Variants in GABRB1 observed in about 807,000 individuals in gnomAD.
GABRB1 encodes the protein gamma-aminobutyric acid type A receptor subunit beta1, also known as gamma-aminobutyric acid receptor subunit beta-1.
Under a neutral mutation model 51.6 loss-of-function variants are expected in GABRB1, and 17 were observed. The ratio of observed to expected loss-of-function variants is 0.33; its 90% CI spans 0.23 to 0.49. GABRB1 has a LOEUF of 0.49. Ranked by LOEUF, GABRB1 falls within the 20% of genes least tolerant of loss-of-function variation. GABRB1 has a pLI of 0.99. For missense variants in GABRB1, 410 were observed against 600.6 expected (o/e 0.68, Z 3.32); for synonymous variants, 247 against 218.9 (o/e 1.13, Z -1.14).
chr4:47,350,200 TATATATATATATATATATAGAGAG>T (rs1345828942), intron 5 of GABRB1, among the ~76,000 whole-genome samples: 2 of 87,736 alleles, frequency 2.3e-5, no homozygotes, highest in Non-Finnish European at 4.4e-5. Context: ...TATATATATA[TATATATATATATATATATAGAGAG>T]AGAGAGAGAG....
chr4:47,158,939 A>G (rs1172754968), intron 3 of GABRB1, among the ~76,000 whole-genome samples: 2 of 151,972 alleles, frequency 1.3e-5, no homozygotes, highest in African/African-American at 2.4e-5. Flanking sequence ...AATTTTCTCA[A>G]TTGATGCTCA....
intron 5 of GABRB1, among the ~76,000 whole-genome samples, chr4:47,327,039 T>C (rs1185518881): frequency 1.3e-5 from 2 of 152,344 alleles, no homozygotes; most frequent in East Asian, 3.9e-4. Context: ...GCTTCAAACT[T>C]TTCAAGTCAT....
Position 47,065,541 on chromosome 4 carries a change from C to G in GABRB1, c.240+33057C>G, listed in dbSNP as rs1471035300. Among the ~76,000 whole-genome samples the G allele has an allele frequency of 2.0e-5, 3 of 152,208 alleles. No individual in the cohort carries two copies. In the East Asian group the frequency reaches 5.8e-4, roughly 29 times the overall value. Reference sequence around the variant, plus strand: ...CTTTAAGCCAAGAGAAAAATAAACCCTTTAGATACTTCAGAATTGAATTCC... The same window carrying G: ...CTTTAAGCCAAGAGAAAAATAAACCGTTTAGATACTTCAGAATTGAATTCC... On this transcript the variant is annotated intron_variant, in intron 3 of 8. Transcript: ENST00000295454.
intron 5 of GABRB1, among the ~76,000 whole-genome samples, chr4:47,354,989 T>TGTTTTTTTG (rs1372730294): frequency 2.3e-5 from 3 of 130,316 alleles, no homozygotes; most frequent in Admixed American, 7.6e-5. Flanking sequence ...TGTTTTTTTT[T>TGTTTTTTTG]TTTTTTTTTT....
At chr4:47,250,770 A>G (rs538281926) in intron 4 of GABRB1, among the ~76,000 whole-genome samples, 27 of 152,072 alleles carry the variant, frequency 1.8e-4, no homozygotes, top group Non-Finnish European at 2.5e-4. Context: ...AGCATTTTGC[A>G]TTTCTGTGTG....
rs930111366 is a variant in GABRB1 at position 47,377,126 on chromosome 4, T to G, written c.545-26192T>G. 2.0e-5 allele frequency among the ~76,000 whole-genome samples: 3 copies of G among 152,210 alleles called. No individual in the cohort carries two copies. The South Asian group carries it at 6.2e-4, about 32-fold the overall frequency. ...TTGAACATAGTAGATACGCAGTGAA[T>G]GTGTTTGGAGTTGTGCGTTTTTTTG... On this transcript the variant is annotated intron_variant, in intron 5 of 8. Transcript: ENST00000295454.
chr4:47,136,779 G>T (rs1217868842), intron 3 of GABRB1, among the ~76,000 whole-genome samples: 1 of 151,986 alleles, frequency 6.6e-6, no homozygotes, highest in East Asian at 1.9e-4. Flanking sequence ...ATCCATATAT[G>T]CATACTTTAT....
At chr4:47,365,439 GA>G (rs1174359469) in intron 5 of GABRB1, among the ~76,000 whole-genome samples, 1 of 152,052 alleles carries the variant, frequency 6.6e-6, no homozygotes, top group Non-Finnish European at 1.5e-5. Flanking sequence ...CATTTTACAA[GA>G]AGGCCCATTG....
chr4:47,032,643 C>A (rs1725375890), intron 3 of GABRB1, 159 bp downstream of exon 3: 1 of 747,244 alleles, frequency 1.3e-6, no homozygotes, highest in Non-Finnish European at 2.4e-6. Context: ...CCCGGTCGCC[C>A]CTGGTTTGTA....
In GABRB1 at chr4:47,350,200, TATATATATATATATATATAG is replaced by T. The variant is rs1274355364; in HGVS notation, c.544+29993_544+30012del. Among the ~76,000 whole-genome samples, 385 of 87,712 alleles carry T rather than the reference TATATATATATATATATATAG, an allele frequency of 4.4e-3. 1 individual carries two copies. The highest frequency in any genetic ancestry group is 0.017 in the African/African-American group (368 of 21,306). The allele number at this position is 87,712 out of a possible 152,430, so 57.5% of individuals were successfully genotyped here. A position where few individuals can be genotyped will look rare whatever the true frequency, so the allele number is the denominator to read the frequency against. ...GGCTCAGATTATATATATATATATA[TATATATATATATATATATAG>T]AGAGAGAGAGAGAGAGAGAGAGAGG... On this transcript the variant is annotated intron_variant, in intron 5 of 8. Coordinates refer to ENST00000295454, the MANE Select transcript of GABRB1 (RefSeq NM_000812.4).
At chr4:47,256,334 TGAAA>T (rs1365439924) in intron 4 of GABRB1, among the ~76,000 whole-genome samples, 2 of 152,236 alleles carry the variant, frequency 1.3e-5, no homozygotes, top group Non-Finnish European at 2.9e-5. Context: ...AGAAAAGGTT[TGAAA>T]GAATTTAATG....
intron 5 of GABRB1, among the ~76,000 whole-genome samples, chr4:47,369,997 T>C (rs578072016): frequency 9.8e-5 from 15 of 152,324 alleles, no homozygotes; most frequent in African/African-American, 3.1e-4. Context: ...ATAAATTAAA[T>C]TTTATATAAA....
chr4:47,194,122 A>G (rs992502053), intron 4 of GABRB1, among the ~76,000 whole-genome samples: 34 of 152,180 alleles, frequency 2.2e-4, no homozygotes, highest in Admixed American at 2.2e-3. Context: ...GTTCATTAAC[A>G]TACTGCTTTT....
intron 3 of GABRB1, among the ~76,000 whole-genome samples, chr4:47,142,529 C>A (rs113098421): frequency 6.6e-6 from 1 of 151,754 alleles, no homozygotes; most frequent in African/African-American, 2.4e-5. Flanking sequence ...AGCAAAGAAG[C>A]GACATTATCA....
chr4:47,277,508 G>A (rs1222679887), intron 4 of GABRB1, among the ~76,000 whole-genome samples: 1 of 152,064 alleles, frequency 6.6e-6, no homozygotes, highest in Non-Finnish European at 1.5e-5. Flanking sequence ...AATAAAAGGT[G>A]TAATTGAATT....
At chr4:47,376,245 T>C (rs552114103) in intron 5 of GABRB1, among the ~76,000 whole-genome samples, 16 of 152,176 alleles carry the variant, frequency 1.1e-4, no homozygotes, top group African/African-American at 3.9e-4. Context: ...TCAAAAACAG[T>C]GAAAGGAGGT....
intron 4 of GABRB1, among the ~76,000 whole-genome samples, chr4:47,246,297 TATACAC>T (rs1319472495): frequency 3.4e-5 from 3 of 89,348 alleles, no homozygotes; most frequent in Admixed American, 1.2e-4. Flanking sequence ...TATATATATA[TATACAC>T]ACACACACAC....
chr4:47,391,752 T>A (rs1728001490), intron 5 of GABRB1, among the ~76,000 whole-genome samples: 1 of 152,224 alleles, frequency 6.6e-6, no homozygotes, highest in Non-Finnish European at 1.5e-5. Flanking sequence ...TTTGGGACCA[T>A]AAACTCAAAA....
chr4:47,204,009 C>G (rs144587749), intron 4 of GABRB1, among the ~76,000 whole-genome samples: 45 of 152,208 alleles, frequency 3.0e-4, no homozygotes, highest in African/African-American at 8.7e-4. Context: ...GCTTTGCACT[C>G]TCTCCCTCTG....
Sources: gnomAD v4.1 joint callset for allele counts (sites outside exome capture counted in the v4.1 genomes callset) on GRCh38, gnomAD v4.1.1 for gene constraint, MANE v1.5 for transcripts, NCBI Gene and HGNC (gene_info 2026-07-23, HGNC 2026-07-21) for gene names.